ADAMTSL1: variants seen among roughly 807,000 people sequenced by gnomAD.
The protein encoded by ADAMTSL1 is ADAMTS like 1.
ADAMTSL1 carries 126 observed loss-of-function variants against 201.8 expected under a neutral mutation model. The observed-to-expected ratio is 0.62, with a 90% CI of 0.54 to 0.72. The LOEUF (loss-of-function observed/expected upper bound fraction) is 0.72, where lower values mean the gene tolerates loss of function less well. Ranked by LOEUF, ADAMTSL1 falls within the 30% of genes least tolerant of loss-of-function variation. The pLI is 0.00. For synonymous variants in ADAMTSL1, 1,121 were observed against 903.4 expected (o/e 1.24, Z -4.32); for missense variants, 2,679 against 2,277.8 (o/e 1.18, Z -3.59).
At chr9:18,317,345 G>A (rs1261870384) in intron 2 of ADAMTSL1, among the ~76,000 whole-genome samples, 2 of 151,664 alleles carry the variant, frequency 1.3e-5, no homozygotes, top group Non-Finnish European at 2.9e-5. Context: ...TAATAATACT[G>A]TATGGTTTAC....
chr9:18,582,848 CAAAAT>C (rs1823196284), intron 4 of ADAMTSL1, among the ~76,000 whole-genome samples: 1 of 142,464 alleles, frequency 7.0e-6, no homozygotes, highest in African/African-American at 2.7e-5. Context: ...GACTCCATCT[CAAAAT>C]AAAATAAAAT....
chr9:18,220,949 A>AT (rs1830235343), intron 2 of ADAMTSL1, among the ~76,000 whole-genome samples: 1 of 151,478 alleles, frequency 6.6e-6, no homozygotes, highest in South Asian at 2.1e-4. Flanking sequence ...TAATTTTCAT[A>AT]TTTTTTGTAG....
intron 5 of ADAMTSL1, among the ~76,000 whole-genome samples, chr9:18,626,468 T>C (rs991035718): frequency 6.6e-6 from 1 of 152,154 alleles, no homozygotes. Flanking sequence ...AGACGTCCTG[T>C]GGTATTTGCA....
chr9:17,934,141 T>G (rs1297634616), intron 1 of ADAMTSL1, among the ~76,000 whole-genome samples: 1 of 152,180 alleles, frequency 6.6e-6, no homozygotes, highest in Non-Finnish European at 1.5e-5. Context: ...CCATTGAAAC[T>G]AATCAAGAAG....
At chr9:18,531,361 G>A (rs534783748) in intron 2 of ADAMTSL1, among the ~76,000 whole-genome samples, 1 of 152,330 alleles carries the variant, frequency 6.6e-6, no homozygotes, top group African/African-American at 2.4e-5. Flanking sequence ...AGTCATCTAT[G>A]TGGAGATTGC....
chr9:18,639,158 C>T (rs1243089621), intron 6 of ADAMTSL1, 96 bp from the exon 7 acceptor site: 8 of 1,215,062 alleles, frequency 6.6e-6, no homozygotes, highest in Non-Finnish European at 9.5e-6. Flanking sequence ...TGATGTGTCT[C>T]CCTTACCTAG....
chr9:18,509,435 C>T (rs1003956126), intron 2 of ADAMTSL1, among the ~76,000 whole-genome samples: 3 of 152,154 alleles, frequency 2.0e-5, no homozygotes, highest in African/African-American at 4.8e-5. Flanking sequence ...AGTAATGCTG[C>T]ATAAAAACCA....
chr9:18,802,108 T>A (rs1822840176), intron 20 of ADAMTSL1, among the ~76,000 whole-genome samples: 1 of 151,976 alleles, frequency 6.6e-6, no homozygotes, highest in Non-Finnish European at 1.5e-5. Context: ...AGAAATCCCA[T>A]CTCTACAAAA....
chr9:18,669,115 C>T (rs1463465063), intron 9 of ADAMTSL1, among the ~76,000 whole-genome samples: 2 of 152,236 alleles, frequency 1.3e-5, no homozygotes, highest in African/African-American at 4.8e-5. Context: ...CAACGTAGAA[C>T]AGCACAGCCA....
chr9:18,103,017 C>A (rs1458333602), intron 1 of ADAMTSL1, among the ~76,000 whole-genome samples: 1 of 152,124 alleles, frequency 6.6e-6, no homozygotes, highest in Non-Finnish European at 1.5e-5. Context: ...AGTATTCTCC[C>A]ATCCCTATAC....
At position 17,924,505 on chromosome 9, in the gene ADAMTSL1, G is replaced by T. The variant is rs548168555; in HGVS notation, c.87+17583G>T. Among the ~76,000 whole-genome samples the T allele has an allele frequency of 7.0e-4, 105 of 150,804 alleles. 1 individual carries two copies. Among genetic ancestry groups the T allele is most frequent in the African/African-American group, 2.3e-3 (93 of 41,216 alleles). ...AGCATGGTACTGGTACCAAAACAGA[G>T]ATATAGATCAATGGAACAGAACAGA... On this transcript the variant is annotated intron_variant, in intron 1 of 29. Transcript: ENST00000680146.
chr9:18,746,794 T>G (rs541155310), intron 15 of ADAMTSL1, among the ~76,000 whole-genome samples: 1 of 140,484 alleles, frequency 7.1e-6, no homozygotes, highest in Non-Finnish European at 1.5e-5. Context: ...AAAAAAAAAA[T>G]TCCTCCTTTT....
At chr9:18,492,683 A>G (rs1822326715) in intron 1 of ADAMTSL1, among the ~76,000 whole-genome samples, 1 of 152,238 alleles carries the variant, frequency 6.6e-6, no homozygotes, top group African/African-American at 2.4e-5. Context: ...CATTTTACAA[A>G]TTAGAAAATT....
chr9:18,024,470 T>G (rs1436627254), intron 1 of ADAMTSL1, among the ~76,000 whole-genome samples: 1 of 152,078 alleles, frequency 6.6e-6, no homozygotes, highest in Admixed American at 6.6e-5. Flanking sequence ...TTTATGTCCC[T>G]GTGAATTCAA....
intron 2 of ADAMTSL1, among the ~76,000 whole-genome samples, chr9:18,440,800 T>C (rs2133451941): frequency 6.6e-6 from 1 of 152,194 alleles, no homozygotes. Context: ...GCTTTATTTT[T>C]ACTTACCAGA....
chr9:18,177,864 G>C (rs575004364), intron 2 of ADAMTSL1, among the ~76,000 whole-genome samples: 1 of 152,190 alleles, frequency 6.6e-6, no homozygotes, highest in African/African-American at 2.4e-5. Context: ...GGAGTGAGCA[G>C]CTAACAGTCT....
intron 1 of ADAMTSL1, among the ~76,000 whole-genome samples, chr9:18,040,248 C>T (rs1821375762): frequency 6.6e-6 from 1 of 152,108 alleles, no homozygotes; most frequent in African/African-American, 2.4e-5. Context: ...TCTGTTTTCC[C>T]CAACCCTTTC....
At chr9:18,029,463 A>G (rs546663730) in intron 1 of ADAMTSL1, among the ~76,000 whole-genome samples, 3 of 152,288 alleles carry the variant, frequency 2.0e-5, no homozygotes, top group African/African-American at 7.2e-5. Context: ...AACCTAGGCA[A>G]TACCATTCAG....
At chr9:18,378,082 C>T (rs960587867) in intron 2 of ADAMTSL1, among the ~76,000 whole-genome samples, 1 of 152,140 alleles carries the variant, frequency 6.6e-6, no homozygotes, top group African/African-American at 2.4e-5. Flanking sequence ...CTTCTTTCTT[C>T]CCTTTCTTTC....
Sources: allele counts gnomAD v4.1 joint callset (sites outside exome capture counted in the v4.1 genomes callset), GRCh38; gene constraint gnomAD v4.1.1; transcripts MANE v1.5; gene names NCBI Gene and HGNC (gene_info 2026-07-23, HGNC 2026-07-21).